The following ACTN4 variants were observed in gnomAD, a reference collection of about 807,000 sequenced individuals.
The protein encoded by ACTN4 is alpha-actinin-4.
In ACTN4, 18 loss-of-function variants were observed where a neutral mutation model predicts 114.2. That is an observed-to-expected ratio of 0.16 (90% CI 0.11 to 0.23). The LOEUF (loss-of-function observed/expected upper bound fraction) is 0.23. Ranked by LOEUF, ACTN4 falls within the 10% of genes least tolerant of loss-of-function variation. The pLI, the probability that ACTN4 is intolerant of heterozygous loss-of-function variation, is 1.00. For missense variants in ACTN4, 722 were observed against 1,262.9 expected, an observed-to-expected ratio of 0.57 and a Z score of 6.49; for synonymous variants, 515 against 506.3, an observed-to-expected ratio of 1.02 and a Z score of -0.23.
At position 38,727,168 on chromosome 19, in the gene ACTN4, G is replaced by A. The variant is rs1053703271; in HGVS notation, c.2337+65G>A. 1.7e-5 allele frequency: 28 copies of A among 1,610,390 alleles called. No individual in the cohort carries two copies. The highest frequency in any genetic ancestry group is 5.0e-5 in the Admixed American group (3 of 59,802). On this transcript the variant is annotated intron_variant, in intron 18 of 20. Coordinates refer to ENST00000252699, the MANE Select transcript of ACTN4 (RefSeq NM_004924.6). This position sits in a 1 kb window ranked among gnomAD's most constrained non-coding sequence, Gnocchi z 5.4. ...CGTTGCCGTACCAGCCCACACCTTC[G>A]TCTCTGCATCTGTTCGTCCATTCCC...
chr19:38,700,985 C>T lies in ACTN4; in HGVS notation c.278-17C>T, dbSNP rs1007978027. ...CTCTCTGTCTCGCCCCCTCTTTTCT[C>T]TTTGTGCACTTCTCAGGGGAGCGGT... On this transcript the variant is annotated splice_polypyrimidine_tract_variant and intron_variant, in intron 2 of 20. Transcript: ENST00000252699. 1 of 1,613,092 alleles carries T rather than the reference C, an allele frequency of 6.2e-7. No individual in the cohort carries two copies. The highest frequency in any genetic ancestry group is 8.5e-7 in the Non-Finnish European group (1 of 1,179,684).
chr19:38,659,025 T>C (rs1219912284), intron 1 of ACTN4, among the ~76,000 whole-genome samples: 1 of 151,674 alleles, frequency 6.6e-6, no homozygotes, highest in African/African-American at 2.4e-5. Flanking sequence ...TGAACTAATT[T>C]TCCCTTTCCC....
In ACTN4 at chr19:38,724,408, C is replaced by T. The variant is rs1270467500; in HGVS notation, c.1876-23C>T. ...CTGGGGGCCACCTCCCTGACCGCTC[C>T]CACACCGCGTCTCCTCTGCCAGGTG... On this transcript the variant is annotated intron_variant, in intron 15 of 20. Coordinates refer to ENST00000252699, the MANE Select transcript of ACTN4 (RefSeq NM_004924.6). The surrounding 1 kb of genome is among the most constrained non-coding windows in gnomAD (Gnocchi z 7.0). 6.2e-7 allele frequency: 1 copy of T among 1,612,502 alleles called. No homozygotes were observed. Among genetic ancestry groups the T allele is most frequent in the Non-Finnish European group, 8.5e-7 (1 of 1,179,628 alleles).
chr19:38,659,432 A>C (rs992060970), intron 1 of ACTN4, among the ~76,000 whole-genome samples: 5 of 152,156 alleles, frequency 3.3e-5, no homozygotes, highest in Non-Finnish European at 5.9e-5. Context: ...CTGTGAGCCA[A>C]TTGAGGGATG....
intron 1 of ACTN4, among the ~76,000 whole-genome samples, chr19:38,654,435 C>T (rs1383781387): frequency 6.6e-6 from 1 of 151,682 alleles, no homozygotes; most frequent in Non-Finnish European, 1.5e-5. Flanking sequence ...GGTGGTGCAC[C>T]CCTGTAATCC....
chr19:38,673,535 A>ATATT lies in ACTN4; in HGVS notation c.162+25628_162+25629insTATT, dbSNP rs1568689736. ...TATATATTTATATATATTCATATAT[A>ATATT]CTTATATATATTTATATATACTTAT... On this transcript the variant is annotated intron_variant, in intron 1 of 20. Transcript: ENST00000252699. Among the ~76,000 whole-genome samples the ATATT allele has an allele frequency of 7.7e-5, 4 of 52,138 alleles. 1 individual carries two copies. Among genetic ancestry groups the ATATT allele is most frequent in the Admixed American group, 4.0e-4 (2 of 4,998 alleles). The allele number at this position is 52,138 out of a possible 152,430, so 34.2% of individuals were successfully genotyped here.
chr19:38,668,089 G>A (rs774406521), intron 1 of ACTN4, among the ~76,000 whole-genome samples: 1 of 152,188 alleles, frequency 6.6e-6, no homozygotes, highest in Admixed American at 6.5e-5. Flanking sequence ...TTGTAATGTG[G>A]TGTCTCATTT....
intron 1 of ACTN4, among the ~76,000 whole-genome samples, chr19:38,673,493 A>G (rs1458970932): frequency 1.8e-5 from 2 of 112,174 alleles, no homozygotes; most frequent in African/African-American, 6.3e-5. Context: ...ATATTCATAT[A>G]TATTTATATA....
At chr19:38,695,503 G>C (rs536775534) in intron 1 of ACTN4, among the ~76,000 whole-genome samples, 3 of 152,266 alleles carry the variant, frequency 2.0e-5, no homozygotes, top group South Asian at 2.1e-4. Flanking sequence ...TTCCTGCCAG[G>C]GGGAGGAAGT....
At chr19:38,660,967 C>T (rs1319878219) in intron 1 of ACTN4, among the ~76,000 whole-genome samples, 1 of 152,044 alleles carries the variant, frequency 6.6e-6, no homozygotes, top group Non-Finnish European at 1.5e-5. Flanking sequence ...TCAGCTGTTC[C>T]TTAACGGATG....
chr19:38,697,479 G>GATTCTGATA (rs1968132754), intron 1 of ACTN4, among the ~76,000 whole-genome samples: 1 of 152,238 alleles, frequency 6.6e-6, no homozygotes, highest in Non-Finnish European at 1.5e-5. Context: ...GCAGGAGGTA[G>GATTCTGATA]ATTCTGATAA....
intron 1 of ACTN4, among the ~76,000 whole-genome samples, chr19:38,674,073 C>T (rs1967298029): frequency 6.6e-6 from 1 of 151,952 alleles, no homozygotes; most frequent in East Asian, 1.9e-4. Context: ...AGCCACTGCG[C>T]CCGGTGTGAT....
At chr19:38,682,086 C>T (rs554865514) in intron 1 of ACTN4, among the ~76,000 whole-genome samples, 5 of 152,324 alleles carry the variant, frequency 3.3e-5, no homozygotes, top group African/African-American at 1.2e-4. Context: ...CCACCTCAGC[C>T]TCCCAAAGTG....
Position 38,668,553 on chromosome 19 carries a change from G to A in ACTN4, c.162+20646G>A, listed in dbSNP as rs151029786. 5.3e-3 allele frequency among the ~76,000 whole-genome samples: 802 copies of A among 152,284 alleles called. 8 individuals carry two copies. The highest frequency in any genetic ancestry group is 0.016 in the African/African-American group (677 of 41,562). ...TACAAAACATTAGCTGGGCATGGTG[G>A]TGCGCGCCTGTAGTCCCAGCTACTC... On this transcript the variant is annotated intron_variant, in intron 1 of 20. Coordinates refer to ENST00000252699, the MANE Select transcript of ACTN4 (RefSeq NM_004924.6).
In ACTN4 at chr19:38,701,074, A is replaced by G; in HGVS notation, c.350A>G (p.Asp117Gly). ...ATCAACAATGTGAACAAAGCGCTGG[A>G]CTTTATTGCCAGCAAAGGCGTCAAG... is the stretch of plus-strand genomic sequence containing the variant. Reference protein sequence around the residue: ...HKINNVNKALDFIASKGVKLV... With the variant: ...HKINNVNKALGFIASKGVKLV... Residue 117 changes from aspartate (D) to glycine (G), a missense_variant, in exon 3 of 21, where the codon GAC (aspartate) becomes GGC (glycine). Asp to Gly is a moderately conservative substitution (Grantham distance 94). Transcript: ENST00000252699. The G allele has an allele frequency of 6.2e-7, 1 of 1,614,102 alleles. No individual in the cohort carries two copies. Among genetic ancestry groups the G allele is most frequent in the Non-Finnish European group, 8.5e-7 (1 of 1,180,024 alleles).
intron 1 of ACTN4, among the ~76,000 whole-genome samples, chr19:38,687,780 A>T (rs968379764): frequency 1.3e-5 from 2 of 152,222 alleles, no homozygotes; most frequent in Non-Finnish European, 2.9e-5. Flanking sequence ...GATAAATCAG[A>T]CTGTTTCAAA....
In ACTN4 at chr19:38,731,211, T is replaced by G. The variant is rs757423138; in HGVS notation, c.*1779T>G. ...GGTGAGGGTCTGGGTCAGCTGGTTG[T>G]TCAGGTGGAAGCCTAGGGGGAGGCT... On this transcript the variant is annotated 3_prime_UTR_variant, in exon 21 of 21. Coordinates refer to ENST00000252699, the MANE Select transcript of ACTN4 (RefSeq NM_004924.6). 1 of 1,612,620 alleles carries G rather than the reference T, an allele frequency of 6.2e-7. No individual in the cohort carries two copies. Among genetic ancestry groups the G allele is most frequent in the Admixed American group, 1.7e-5 (1 of 60,024 alleles).
rs749088387 is a variant in ACTN4 at position 38,731,243 on chromosome 19, G to T, written c.*1811G>T. On this transcript the variant is annotated 3_prime_UTR_variant, in exon 21 of 21. Coordinates refer to ENST00000252699, the MANE Select transcript of ACTN4 (RefSeq NM_004924.6). ...GGAAGCCTAGGGGGAGGCTGCTTCT[G>T]AGCCCAGTGGCCCACAGGGAACCCA... The T allele has an allele frequency of 5.0e-6, 8 of 1,600,352 alleles. No homozygotes were observed. Among genetic ancestry groups the T allele is most frequent in the Non-Finnish European group, 6.8e-6 (8 of 1,169,954 alleles).
chr19:38,698,971 C>T (rs752207909), intron 1 of ACTN4, among the ~76,000 whole-genome samples: 93 of 152,336 alleles, frequency 6.1e-4, no homozygotes, highest in Middle Eastern at 3.4e-3. Flanking sequence ...GCATGGCCTC[C>T]GCCTGCACCC....
Sources: allele counts gnomAD v4.1 joint callset (sites outside exome capture counted in the v4.1 genomes callset), GRCh38; gene constraint gnomAD v4.1.1; non-coding constraint Gnocchi (gnomAD v3.1); transcripts MANE v1.5; gene names NCBI Gene and HGNC (gene_info 2026-07-23, HGNC 2026-07-21).